The following LRRC37A2 variants were observed in gnomAD, a reference collection of about 807,000 sequenced individuals.
LRRC37A2 encodes the protein leucine rich repeat containing 37 member A2.
LRRC37A2 carries 9 observed loss-of-function variants against 68.8 expected under a neutral mutation model. The observed-to-expected ratio is 0.13, with a 90% CI of 0.08 to 0.23. LRRC37A2 has a LOEUF of 0.23. Ranked by LOEUF, LRRC37A2 falls within the 10% of genes least tolerant of loss-of-function variation. The probability of loss-of-function intolerance (pLI) is 1.00; values close to 1 mark genes in which losing one functional copy is unlikely to be tolerated. For missense variants in LRRC37A2, 168 were observed against 950.4 expected, an observed-to-expected ratio of 0.18 and a Z score of 10.82; for synonymous variants, 63 against 367.6, an observed-to-expected ratio of 0.17 and a Z score of 9.48.
chr17:46,885,930 C>A, the LRRC37A2 span: 1 of 152,406 alleles, frequency 6.6e-6, no homozygotes. Flanking sequence ...CAAAGCTGTG[C>A]AGAAGCCTGA....
At chr17:46,950,177 G>C in the LRRC37A2 span, among the ~76,000 whole-genome samples, 3 of 152,208 alleles carry the variant, frequency 2.0e-5, no homozygotes, top group African/African-American at 7.2e-5. Flanking sequence ...GTCTCTGCAA[G>C]AGTTCACGGG....
the LRRC37A2 span, among the ~76,000 whole-genome samples, chr17:46,703,680 CAAAAAAA>C: frequency 1.1e-4 from 4 of 37,726 alleles, no homozygotes; most frequent in African/African-American, 3.3e-4. Context: ...GACTCCGTCT[CAAAAAAA>C]AAAAAAAAAA....
At chr17:46,858,349 T>C in the LRRC37A2 span, among the ~76,000 whole-genome samples, 1 of 152,244 alleles carries the variant, frequency 6.6e-6, no homozygotes, top group Admixed American at 6.5e-5. Context: ...TGTTTTTAAT[T>C]TTGATGAAGT....
the LRRC37A2 span, among the ~76,000 whole-genome samples, chr17:46,962,198 A>G: frequency 6.6e-6 from 1 of 152,020 alleles, no homozygotes; most frequent in Admixed American, 6.6e-5. Context: ...GCGTGATGGC[A>G]TGCGCCTGTA....
chr17:46,906,276 T>C, the LRRC37A2 span, among the ~76,000 whole-genome samples: 2 of 151,978 alleles, frequency 1.3e-5, no homozygotes, highest in African/African-American at 4.8e-5. Context: ...CCCTCACCTC[T>C]CCCATAAAAA....
At chr17:46,892,998 C>T in the LRRC37A2 span, among the ~76,000 whole-genome samples, 1 of 151,550 alleles carries the variant, frequency 6.6e-6, no homozygotes, top group African/African-American at 2.4e-5. Context: ...GTGCATGGTG[C>T]GATCTTGGCA....
chr17:46,953,042 AT>A, the LRRC37A2 span, among the ~76,000 whole-genome samples: 3 of 151,820 alleles, frequency 2.0e-5, no homozygotes, highest in African/African-American at 4.8e-5. Flanking sequence ...ATTATTTTTT[AT>A]TTTTTTATTT....
the LRRC37A2 span, among the ~76,000 whole-genome samples, chr17:46,776,188 G>A: frequency 3.9e-5 from 6 of 152,184 alleles, no homozygotes; most frequent in African/African-American, 1.4e-4. Context: ...TGCCTGCTGG[G>A]CAGTGCCTGC....
At chr17:46,845,705 C>G in the LRRC37A2 span, among the ~76,000 whole-genome samples, 6 of 151,002 alleles carry the variant, frequency 4.0e-5, no homozygotes, top group East Asian at 1.2e-3. Flanking sequence ...GGCCAGGCTG[C>G]TCTCAAACTC....
the LRRC37A2 span, chr17:46,932,887 T>G: frequency 6.6e-6 from 1 of 152,550 alleles, no homozygotes; most frequent in Admixed American, 6.5e-5. Flanking sequence ...TATTTTGTTT[T>G]TTTACAGAGG....
the LRRC37A2 span, chr17:46,751,704 T>A: frequency 1.4e-6 from 1 of 707,952 alleles, no homozygotes. Context: ...GCCAAGGTTT[T>A]AATTAATTTA....
the LRRC37A2 span, among the ~76,000 whole-genome samples, chr17:46,797,429 G>C: frequency 6.6e-6 from 1 of 152,210 alleles, no homozygotes; most frequent in Non-Finnish European, 1.5e-5. Flanking sequence ...TTTTCCAGTA[G>C]GGAATGGGAT....
At chr17:46,977,450 A>G in the LRRC37A2 span, among the ~76,000 whole-genome samples, 126,774 of 151,890 alleles carry the variant, frequency 0.83, 53,490 homozygotes, top group Middle Eastern at 0.9. Context: ...AACTTCCAGA[A>G]AGCAGAGCTG....
chr17:46,883,802 TCTC>T, the LRRC37A2 span, among the ~76,000 whole-genome samples: 2 of 152,064 alleles, frequency 1.3e-5, no homozygotes, highest in African/African-American at 2.4e-5. Context: ...CTCCTTGTCT[TCTC>T]CTCTCTCTCT....
the LRRC37A2 span, among the ~76,000 whole-genome samples, chr17:46,854,086 C>T: frequency 6.6e-6 from 1 of 152,158 alleles, no homozygotes; most frequent in East Asian, 1.9e-4. Context: ...CAAAAGCCAC[C>T]ACCACCCCAA....
chr17:46,864,091 G>C, the LRRC37A2 span, among the ~76,000 whole-genome samples: 3 of 152,356 alleles, frequency 2.0e-5, no homozygotes, highest in East Asian at 1.9e-4. Flanking sequence ...GGCCCTTCCA[G>C]GGCCCAAGCC....
chr17:46,943,250 C>T, the LRRC37A2 span, among the ~76,000 whole-genome samples: 1 of 152,270 alleles, frequency 6.6e-6, no homozygotes, highest in South Asian at 2.1e-4. Flanking sequence ...TCAGAAGGAG[C>T]CAGATCCCTT....
rs1237804887 is a variant in LRRC37A2, at chr17:46,534,088, G to A, written c.2907-6088G>A. 6.5e-5 allele frequency among the ~76,000 whole-genome samples: 9 copies of A among 139,296 alleles called. No homozygotes were observed. The South Asian group carries it at 1.1e-3, about 17-fold the overall frequency. 91.4% of individuals were successfully genotyped at this position (139,296 alleles called of 152,430 possible). ...GTGCAGTGGTGCAACCACTCACAAC[G>A]TTGCAGCCTCCACCTCCCAGGCTTA... On this transcript the variant is annotated intron_variant, in intron 6 of 14. Coordinates refer to ENST00000576629, the Ensembl canonical transcript of LRRC37A2.
At chr17:46,896,896 C>A in the LRRC37A2 span, among the ~76,000 whole-genome samples, 2 of 152,134 alleles carry the variant, frequency 1.3e-5, no homozygotes, top group East Asian at 3.8e-4. Context: ...ACACCCCCCA[C>A]CAGAGTCCAG....
Sources: allele counts gnomAD v4.1 joint callset (sites outside exome capture counted in the v4.1 genomes callset), GRCh38; gene constraint gnomAD v4.1.1; transcripts MANE v1.5; gene names NCBI Gene and HGNC (gene_info 2026-07-23, HGNC 2026-07-21).